Variants in FSHR observed in about 807,000 individuals in gnomAD.
FSHR encodes follicle stimulating hormone receptor.
FSHR carries 46 observed loss-of-function variants against 52.1 expected under a neutral mutation model. The ratio of observed to expected loss-of-function variants is 0.88; its 90% CI spans 0.70 to 1.13. FSHR has a LOEUF of 1.13. FSHR is among the 50% of genes most tolerant of loss of function. The pLI is 0.00. For synonymous variants in FSHR, 399 were observed against 309.6 expected (o/e 1.29, Z -3.03); for missense variants, 964 against 834.6 (o/e 1.16, Z -1.91).
chr2:48,988,158 G>A (rs1373206301), intron 6 of FSHR, among the ~76,000 whole-genome samples: 1 of 151,912 alleles, frequency 6.6e-6, no homozygotes, highest in Non-Finnish European at 1.5e-5. Flanking sequence ...CAACTGAAGG[G>A]GGCTAAAATT....
At chr2:49,005,204 A>G (rs992438737) in intron 4 of FSHR, among the ~76,000 whole-genome samples, 1 of 152,062 alleles carries the variant, frequency 6.6e-6, no homozygotes, top group African/African-American at 2.4e-5. Flanking sequence ...AACAGGGAGG[A>G]AAGGTAAGCA....
chr2:48,976,915 A>G (rs1675015601), intron 8 of FSHR, among the ~76,000 whole-genome samples: 1 of 151,398 alleles, frequency 6.6e-6, no homozygotes, highest in Non-Finnish European at 1.5e-5. Context: ...TTATTTTGTT[A>G]TTCTCTTCCA....
At chr2:49,128,416 A>T (rs2103803650) in intron 1 of FSHR, among the ~76,000 whole-genome samples, 1 of 152,308 alleles carries the variant, frequency 6.6e-6, no homozygotes, top group Non-Finnish European at 1.5e-5. Context: ...ACCATGCACA[A>T]AATAAAGGAA....
At chr2:49,076,233 A>G (rs543131920) in intron 1 of FSHR, among the ~76,000 whole-genome samples, 208 of 152,244 alleles carry the variant, frequency 1.4e-3, no homozygotes, top group Non-Finnish European at 1.3e-3. Flanking sequence ...GACTGGGCAA[A>G]TTACAAAAGA....
intron 1 of FSHR, among the ~76,000 whole-genome samples, chr2:49,092,074 A>G (rs1003643986): frequency 2.6e-5 from 4 of 152,212 alleles, no homozygotes; most frequent in African/African-American, 9.6e-5. Context: ...CTTTCAGGAT[A>G]CAGATCCTGT....
chr2:49,121,562 A>T (rs1231709646), intron 1 of FSHR, among the ~76,000 whole-genome samples: 1 of 152,110 alleles, frequency 6.6e-6, no homozygotes, highest in Non-Finnish European at 1.5e-5. Context: ...GGTATTCTTT[A>T]GGGGCTTTCC....
intron 4 of FSHR, among the ~76,000 whole-genome samples, chr2:49,000,291 C>G (rs1038203051): frequency 9.2e-5 from 14 of 152,050 alleles, no homozygotes; most frequent in Non-Finnish European, 2.9e-5. Context: ...CTACATATAA[C>G]CAGATTAGGG....
intron 1 of FSHR, among the ~76,000 whole-genome samples, chr2:49,121,949 A>G (rs935008095): frequency 6.6e-6 from 1 of 152,190 alleles, no homozygotes; most frequent in Non-Finnish European, 1.5e-5. Flanking sequence ...GAAAATTGTC[A>G]TCCAAAGCAC....
intron 2 of FSHR, among the ~76,000 whole-genome samples, chr2:49,033,859 G>A (rs994662644): frequency 6.6e-6 from 1 of 152,150 alleles, no homozygotes; most frequent in African/African-American, 2.4e-5. Context: ...AAGGGGCAGG[G>A]ACTGGAGGTA....
chr2:49,122,256 T>C (rs914907144), intron 1 of FSHR, among the ~76,000 whole-genome samples: 3 of 152,210 alleles, frequency 2.0e-5, no homozygotes, highest in Non-Finnish European at 2.9e-5. Flanking sequence ...CACGGGCATA[T>C]TCTTGGCTTA....
chr2:49,006,550 AGGAAATTTATTCTTCTTTTAT>A (rs1667082421), intron 4 of FSHR, among the ~76,000 whole-genome samples: 1 of 151,950 alleles, frequency 6.6e-6, no homozygotes, highest in African/African-American at 2.4e-5. Flanking sequence ...TTTCTTTCCC[AGGAAATTTATTCTTCTTTTAT>A]GTCTCTCCAA....
intron 2 of FSHR, among the ~76,000 whole-genome samples, chr2:49,056,662 C>T (rs1465260206): frequency 6.6e-6 from 1 of 151,822 alleles, no homozygotes; most frequent in African/African-American, 2.4e-5. Context: ...ACAGACCAAA[C>T]AGACACTTAC....
chr2:49,041,495 G>A (rs988903126), intron 2 of FSHR, among the ~76,000 whole-genome samples: 3 of 152,288 alleles, frequency 2.0e-5, no homozygotes, highest in Admixed American at 2.0e-4. Flanking sequence ...CTTCCTTCCA[G>A]ATACGTGCAT....
intron 1 of FSHR, among the ~76,000 whole-genome samples, chr2:49,072,200 A>G (rs1488719069): frequency 6.6e-6 from 1 of 152,150 alleles, no homozygotes; most frequent in East Asian, 1.9e-4. Context: ...ACCCATGTGG[A>G]AAGAACAAAA....
intron 1 of FSHR, among the ~76,000 whole-genome samples, chr2:49,145,096 T>G (rs986693930): frequency 1.3e-5 from 2 of 152,056 alleles, no homozygotes; most frequent in Admixed American, 6.6e-5. Context: ...ACGGGTAAAC[T>G]TTTACCCAAC....
chr2:49,030,237 A>G (rs929723691), intron 2 of FSHR, among the ~76,000 whole-genome samples: 2 of 151,752 alleles, frequency 1.3e-5, no homozygotes, highest in African/African-American at 4.8e-5. Context: ...CCTCCTTGAC[A>G]TATGTCTTGA....
intron 1 of FSHR, among the ~76,000 whole-genome samples, chr2:49,070,322 G>T (rs1014157951): frequency 1.3e-5 from 2 of 152,008 alleles, no homozygotes; most frequent in African/African-American, 2.4e-5. Flanking sequence ...TAAATAAAAG[G>T]TGATCTAATT....
chr2:49,025,253 T>C (rs1667877080), intron 2 of FSHR, among the ~76,000 whole-genome samples: 1 of 152,196 alleles, frequency 6.6e-6, no homozygotes, highest in African/African-American at 2.4e-5. Context: ...AAGGAGCTTC[T>C]GTGTTTCAGG....
At chr2:49,140,158 C>G (rs553362225) in intron 1 of FSHR, among the ~76,000 whole-genome samples, 1 of 151,978 alleles carries the variant, frequency 6.6e-6, no homozygotes, top group Non-Finnish European at 1.5e-5. Context: ...AAATATAATC[C>G]CCAATTTTGG....
Sources: allele counts gnomAD v4.1 joint callset (sites outside exome capture counted in the v4.1 genomes callset), GRCh38; gene constraint gnomAD v4.1.1; transcripts MANE v1.5; gene names NCBI Gene and HGNC (gene_info 2026-07-23, HGNC 2026-07-21).